XPOT: variants seen among roughly 807,000 people sequenced by gnomAD.
XPOT encodes exportin-T.
A neutral mutation model predicts 128.2 loss-of-function variants in XPOT; 34 were observed. That is an observed-to-expected ratio of 0.27 (90% CI 0.20 to 0.35). XPOT has a LOEUF of 0.35. XPOT is among the 10% of genes least tolerant of loss of function. The pLI, the probability that XPOT is intolerant of heterozygous loss-of-function variation, is 1.00. For synonymous variants in XPOT, 348 were observed against 394.3 expected, an observed-to-expected ratio of 0.88 and a Z score of 1.39; for missense variants, 838 against 1,125.3, an observed-to-expected ratio of 0.74 and a Z score of 3.65.
chr12:64,438,171 C>A (rs1482380025), intron 22 of XPOT, among the ~76,000 whole-genome samples: 1 of 152,126 alleles, frequency 6.6e-6, no homozygotes, highest in East Asian at 1.9e-4. Flanking sequence ...TTGTTTTATC[C>A]ATAGAAGTCG....
rs1347647839 is a variant in XPOT at position 64,424,590 on chromosome 12, G to T, written c.1183-9G>T. ...GTTTTTTGAATGAGGATTTTAACCTGTATCATAGGGTGAAGATGAAGCCAT... is the reference window on the plus strand; with the variant it reads ...GTTTTTTGAATGAGGATTTTAACCTTTATCATAGGGTGAAGATGAAGCCAT... On this transcript the variant is annotated splice_polypyrimidine_tract_variant and intron_variant, in intron 11 of 24. Transcript: ENST00000332707. The T allele has an allele frequency of 8.7e-6, 14 of 1,611,560 alleles. No homozygotes were observed. Among genetic ancestry groups the T allele is most frequent in the Non-Finnish European group, 1.2e-5 (14 of 1,179,764 alleles).
intron 11 of XPOT, among the ~76,000 whole-genome samples, chr12:64,424,107 C>T (rs750705488): frequency 7.9e-5 from 12 of 152,158 alleles, no homozygotes; most frequent in Admixed American, 1.3e-4. Flanking sequence ...CACTGCGCAC[C>T]TGGGATGTGC....
At chr12:64,445,162 T>A in intron 24 of XPOT, 31 bp downstream of exon 24, 3 of 1,516,292 alleles carry the variant, frequency 2.0e-6, no homozygotes, top group Non-Finnish European at 2.7e-6. Context: ...CGTATCTTCA[T>A]ACAATTAGGT....
chr12:64,408,081 A>G (rs2136008018), intron 1 of XPOT, among the ~76,000 whole-genome samples: 1 of 152,150 alleles, frequency 6.6e-6, no homozygotes, highest in African/African-American at 2.4e-5. Context: ...GTCTTTGGTT[A>G]ACGGTAATTG....
intron 1 of XPOT, among the ~76,000 whole-genome samples, chr12:64,409,386 C>G (rs2040013668): frequency 6.8e-6 from 1 of 147,094 alleles, no homozygotes. Context: ...CTTTCTATAC[C>G]TTATTAAGAA....
Position 64,409,973 on chromosome 12 carries a change from T to G in XPOT, c.-63T>G. 3.6e-6 allele frequency: 5 copies of G among 1,391,244 alleles called. No homozygotes were observed. In the South Asian group the frequency reaches 6.0e-5, roughly 17 times the overall value. The allele number at this position is 1,391,244 out of a possible 1,614,324, so 86.2% of individuals were successfully genotyped here. ...GTTTTTTGTGGCAGATGTTTATAAA[T>G]TCTTCTGTGGGATCAGAGGGCACGC... On this transcript the variant is annotated 5_prime_UTR_variant, in exon 2 of 25. Transcript: ENST00000332707.
intron 11 of XPOT, among the ~76,000 whole-genome samples, 171 bp downstream of exon 11, chr12:64,423,415 C>G (rs907507041): frequency 2.0e-5 from 3 of 151,818 alleles, no homozygotes; most frequent in Admixed American, 6.6e-5. Context: ...CCTCTTAATC[C>G]TTCCTTTTTG....
chr12:64,418,228 TCATAGCTTTTTTAA>T, intron 5 of XPOT, 113 bp downstream of exon 5: 1 of 815,090 alleles, frequency 1.2e-6, no homozygotes, highest in Non-Finnish European at 1.9e-6. Context: ...CCATTTGATT[TCATAGCTTTTTTAA>T]AAGGTGCTGG....
At chr12:64,405,633 T>C (rs2136005597) in intron 1 of XPOT, among the ~76,000 whole-genome samples, 1 of 152,354 alleles carries the variant, frequency 6.6e-6, no homozygotes, top group East Asian at 1.9e-4. Flanking sequence ...GTTGTTGTTG[T>C]TTTGAGACGG....
chr12:64,437,627 G>C (rs1179024696), intron 22 of XPOT, among the ~76,000 whole-genome samples: 1 of 152,238 alleles, frequency 6.6e-6, no homozygotes, highest in Non-Finnish European at 1.5e-5. Flanking sequence ...AAGTCAGGAA[G>C]TCAGTAGGCA....
In XPOT at chr12:64,447,408, C is replaced by G. The variant is rs192183967; in HGVS notation, c.2863-697C>G. On this transcript the variant is annotated intron_variant, in intron 24 of 24. Coordinates refer to ENST00000332707, the MANE Select transcript of XPOT (RefSeq NM_007235.6). The stretch of plus-strand genomic sequence containing the variant: ...TGACTTGGAAGTACTTTTGAATCAT[C>G]AAATAAATAGTAAATTCCTTACAGA... 5.4e-4 allele frequency among the ~76,000 whole-genome samples: 82 copies of G among 152,294 alleles called. No homozygotes were observed. In the Middle Eastern group the frequency reaches 0.01, roughly 19 times the overall value.
chr12:64,449,777 G>A lies in XPOT; in HGVS notation c.*1646G>A, dbSNP rs1274998298. The A allele has an allele frequency of 6.6e-6, 1 of 152,178 alleles. No homozygotes were observed. The highest frequency in any genetic ancestry group is 1.5e-5 in the Non-Finnish European group (1 of 68,030). The allele number at this position is 152,178 out of a possible 1,614,324, so 9.4% of individuals were successfully genotyped here. A position where few individuals can be genotyped will look rare whatever the true frequency, so the allele number is the denominator to read the frequency against. ...GTGAAAGCTGAGTGTTTCTTTGATA[G>A]GTTCCCCTGTACTATAGGAGTGATA... On this transcript the variant is annotated 3_prime_UTR_variant, in exon 25 of 25. Coordinates refer to ENST00000332707, the MANE Select transcript of XPOT (RefSeq NM_007235.6).
chr12:64,434,977 G>T, intron 21 of XPOT, 68 bp downstream of exon 21: 2 of 1,287,930 alleles, frequency 1.6e-6, no homozygotes, highest in Non-Finnish European at 2.2e-6. Context: ...TTTAATGCCA[G>T]GTTGATTATA....
intron 9 of XPOT, 103 bp from the exon 10 acceptor site, chr12:64,422,902 C>CAAAA (rs201490602): frequency 2.5e-4 from 214 of 871,694 alleles, no homozygotes; most frequent in Middle Eastern, 1.1e-3. Flanking sequence ...GACCTTGTCT[C>CAAAA]AAAAAAAAAA....
At chr12:64,414,412 A>C (rs1342846743) in intron 2 of XPOT, among the ~76,000 whole-genome samples, 1 of 152,208 alleles carries the variant, frequency 6.6e-6, no homozygotes, top group African/African-American at 2.4e-5. Flanking sequence ...TAAAGACTTG[A>C]AATACTCTCC....
intron 14 of XPOT, 25 bp from the exon 15 acceptor site, chr12:64,425,790 A>G (rs2040187181): frequency 6.2e-7 from 1 of 1,606,372 alleles, no homozygotes; most frequent in South Asian, 1.1e-5. Flanking sequence ...AAATGCAGAA[A>G]TAGTAAAAGT....
chr12:64,425,934 T>G, intron 15 of XPOT, 25 bp downstream of exon 15: 1 of 1,593,050 alleles, frequency 6.3e-7, no homozygotes, highest in Non-Finnish European at 8.6e-7. Flanking sequence ...GCAGCTATTA[T>G]GTTTAGTTAT....
chr12:64,420,342 C>A lies in XPOT; in HGVS notation c.675-11C>A. 6.2e-7 allele frequency: 1 copy of A among 1,607,804 alleles called. No individual in the cohort carries two copies. The highest frequency in any genetic ancestry group is 8.5e-7 in the Non-Finnish European group (1 of 1,177,668). On this transcript the variant is annotated splice_polypyrimidine_tract_variant and intron_variant, in intron 7 of 24. Transcript: ENST00000332707. ...TTTGAAAATGTTACAATTTTATTGT[C>A]CCATTACCAGGTTTATAAATATGCT...
chr12:64,420,566 A>T (rs1367041067), intron 8 of XPOT, 45 bp downstream of exon 8: 2 of 1,439,082 alleles, frequency 1.4e-6, no homozygotes, highest in Non-Finnish European at 1.9e-6. Context: ...TTGTTAGAAC[A>T]AACTGGGATA....
Sources: allele counts gnomAD v4.1 joint callset (sites outside exome capture counted in the v4.1 genomes callset), GRCh38; gene constraint gnomAD v4.1.1; transcripts MANE v1.5; gene names NCBI Gene and HGNC (gene_info 2026-07-23, HGNC 2026-07-21).